Variants in FBXL13 observed in about 807,000 individuals in gnomAD.
FBXL13 encodes the protein F-box and leucine rich repeat protein 13.
In FBXL13, 67 loss-of-function variants were observed where a neutral mutation model predicts 83.6. The observed-to-expected ratio is 0.80, with a 90% CI of 0.66 to 0.98. FBXL13 has a LOEUF of 0.98. FBXL13 is among the 50% of genes least tolerant of loss of function. The pLI is 0.00. For synonymous variants in FBXL13, 272 were observed against 299.5 expected (o/e 0.91, Z 0.95); for missense variants, 822 against 866.5 (o/e 0.95, Z 0.64).
intron 8 of FBXL13, among the ~76,000 whole-genome samples, chr7:102,960,661 G>GA (rs1259266647): frequency 1.3e-5 from 2 of 152,148 alleles, no homozygotes; most frequent in Non-Finnish European, 2.9e-5. Flanking sequence ...TCATCCCTGG[G>GA]ATGCAAGGCT....
intron 2 of FBXL13, 122 bp from the exon 4 acceptor site, chr7:103,029,540 T>C (rs372497955): frequency 2.5e-5 from 12 of 488,002 alleles, no homozygotes; most frequent in South Asian, 1.2e-4. Flanking sequence ...AATTGGGCAG[T>C]TGGAGACAGG....
chr7:102,916,067 T>C (rs1406282353), intron 10 of FBXL13, among the ~76,000 whole-genome samples: 2 of 151,694 alleles, frequency 1.3e-5, no homozygotes, highest in Admixed American at 1.3e-4. Flanking sequence ...CACTGCAACC[T>C]CCACCTCCCA....
intron 11 of FBXL13, among the ~76,000 whole-genome samples, chr7:102,891,653 A>T (rs1000499439): frequency 6.6e-5 from 10 of 152,218 alleles, no homozygotes; most frequent in Non-Finnish European, 1.0e-4. Context: ...AAAACACTGG[A>T]CAACCAAACA....
Position 102,884,196 on chromosome 7 carries a change from T to C in FBXL13, c.1107+18A>G. On this transcript the variant is annotated intron_variant, in intron 12 of 19. Transcript: ENST00000313221. ...ATCTTATGGGACAGAAAAGTAAAGGTACTTCCCAACTACCTACTTTTACAC... is the reference window on the plus strand; with the variant it reads ...ATCTTATGGGACAGAAAAGTAAAGGCACTTCCCAACTACCTACTTTTACAC... The C allele has an allele frequency of 6.4e-7, 1 of 1,564,292 alleles. No individual in the cohort carries two copies. The highest frequency in any genetic ancestry group is 8.8e-7 in the Non-Finnish European group (1 of 1,134,780).
chr7:102,986,376 G>A (rs891592021), intron 6 of FBXL13, among the ~76,000 whole-genome samples: 4 of 152,164 alleles, frequency 2.6e-5, no homozygotes, highest in Admixed American at 2.0e-4. Flanking sequence ...TTCCCATGTA[G>A]ACCTTCCTAA....
At chr7:103,035,597 A>T (rs1437256769) in intron 2 of FBXL13, among the ~76,000 whole-genome samples, 3 of 152,216 alleles carry the variant, frequency 2.0e-5, no homozygotes, top group African/African-American at 2.4e-5. Context: ...CTATATGTAA[A>T]AAAATGCATT....
At chr7:102,946,743 C>T (rs1489076590) in intron 8 of FBXL13, among the ~76,000 whole-genome samples, 3 of 151,686 alleles carry the variant, frequency 2.0e-5, no homozygotes, top group South Asian at 2.1e-4. Context: ...GTTGCAATCT[C>T]GGCTCACTGT....
intron 8 of FBXL13, among the ~76,000 whole-genome samples, chr7:102,956,114 T>C (rs370629091): frequency 2.0e-5 from 3 of 152,008 alleles, no homozygotes; most frequent in Admixed American, 6.6e-5. Flanking sequence ...CCCTGATGAA[T>C]ATCGATGCAA....
At chr7:102,934,119 A>T (rs768083168) in intron 8 of FBXL13, 1 of 1,613,968 alleles carries the variant, frequency 6.2e-7, no homozygotes, top group Non-Finnish European at 8.5e-7. Context: ...GATTGTCAAG[A>T]AAGAAAATTA....
intron 17 of FBXL13, among the ~76,000 whole-genome samples, chr7:102,848,580 A>T (rs1359698603): frequency 4.6e-5 from 2 of 43,778 alleles, no homozygotes; most frequent in Admixed American, 1.8e-4. Context: ...AAAAAAAAAA[A>T]AAAAAAAAAA....
chr7:102,925,924 G>A (rs1360003801), intron 10 of FBXL13, among the ~76,000 whole-genome samples: 1 of 131,088 alleles, frequency 7.6e-6, no homozygotes, highest in African/African-American at 2.9e-5. Context: ...CTGGGCGACA[G>A]AGCAAGACTC....
chr7:103,036,290 G>T, intron 2 of FBXL13, among the ~76,000 whole-genome samples: 1 of 152,186 alleles, frequency 6.6e-6, no homozygotes, highest in South Asian at 2.1e-4. Context: ...ACAGAATGGG[G>T]ATTATAAATA....
chr7:102,926,068 G>GT (rs1381771317), intron 10 of FBXL13, among the ~76,000 whole-genome samples: 1 of 152,124 alleles, frequency 6.6e-6, no homozygotes, highest in African/African-American at 2.4e-5. Context: ...GCACATTGCT[G>GT]TAAGAGTCAC....
intron 11 of FBXL13, among the ~76,000 whole-genome samples, chr7:102,896,779 C>A (rs539199957): frequency 6.6e-6 from 1 of 152,288 alleles, no homozygotes; most frequent in East Asian, 1.9e-4. Context: ...CCTAAATGAC[C>A]TCATCTGAAT....
chr7:102,887,615 C>G (rs1294655900), intron 11 of FBXL13, among the ~76,000 whole-genome samples: 1 of 152,128 alleles, frequency 6.6e-6, no homozygotes, highest in Non-Finnish European at 1.5e-5. Context: ...AGAATTGTTT[C>G]CTCTTCAGGA....
In FBXL13 at chr7:102,822,411, C is replaced by CT. The variant is rs2129445704; in HGVS notation, c.1855-209dup. 4.4e-6 allele frequency: 3 copies of CT among 675,000 alleles called. No individual in the cohort carries two copies. The South Asian group carries it at 4.5e-5, about 10-fold the overall frequency. The allele number at this position is 675,000 out of a possible 1,614,324, so 41.8% of individuals were successfully genotyped here. A position where few individuals can be genotyped will look rare whatever the true frequency, so the allele number is the denominator to read the frequency against. On this transcript the variant is annotated intron_variant, in intron 18 of 19. Coordinates refer to ENST00000313221, the Ensembl canonical transcript of FBXL13. ...CAATTGGTGTCTTGGGAAGTCCCTC[C>CT]TTATTTGCAGATGCCTCCATTCTTG...
intron 2 of FBXL13, among the ~76,000 whole-genome samples, chr7:103,038,504 C>T (rs761706058): frequency 2.6e-5 from 4 of 152,232 alleles, no homozygotes; most frequent in Non-Finnish European, 4.4e-5. Flanking sequence ...GGACAGACTG[C>T]CTCCTCAAGC....
intron 11 of FBXL13, among the ~76,000 whole-genome samples, chr7:102,892,834 A>C (rs1811707269): frequency 6.6e-6 from 1 of 152,212 alleles, no homozygotes; most frequent in Non-Finnish European, 1.5e-5. Context: ...TTTCTCTAGA[A>C]TATTACACAA....
At position 103,010,650 on chromosome 7, in the gene FBXL13, C is replaced by G. The variant is rs183679735; in HGVS notation, c.495+14413G>C. ...ATAGGTCCCTGTGGAGAGTATGAAT[C>G]CCCCTGGGGGCACCCACCCACTCAC... On this transcript the variant is annotated intron_variant, in intron 6 of 19. Transcript: ENST00000313221. Among the ~76,000 whole-genome samples the G allele has an allele frequency of 3.3e-5, 5 of 152,072 alleles. No homozygotes were observed. In the East Asian group the frequency reaches 9.8e-4, roughly 30 times the overall value.
Sources: gnomAD v4.1 joint callset for allele counts (sites outside exome capture counted in the v4.1 genomes callset) on GRCh38, gnomAD v4.1.1 for gene constraint, MANE v1.5 for transcripts, NCBI Gene and HGNC (gene_info 2026-07-23, HGNC 2026-07-21) for gene names.